The following CYRIB variants were observed in gnomAD, a reference collection of about 807,000 sequenced individuals.
CYRIB encodes CYFIP related Rac1 interactor B, also known as CYFIP-related Rac1 interactor B.
CYRIB carries 8 observed loss-of-function variants against 44.2 expected under a neutral mutation model. That is an observed-to-expected ratio of 0.18 (90% confidence interval 0.11 to 0.33). The LOEUF (loss-of-function observed/expected upper bound fraction) is 0.33, where lower values mean the gene tolerates loss of function less well. Among genes scored for constraint, CYRIB ranks in the 10% least tolerant of loss-of-function variants. CYRIB has a pLI of 1.00. For synonymous variants in CYRIB, 131 were observed against 127.2 expected (o/e 1.03, Z -0.20); for missense variants, 185 against 382.8 (o/e 0.48, Z 4.31).
At chr8:129,889,551 T>C (rs754438933) in intron 2 of CYRIB, among the ~76,000 whole-genome samples, 1 of 152,150 alleles carries the variant, frequency 6.6e-6, no homozygotes, top group Non-Finnish European at 1.5e-5. Flanking sequence ...TTGTGATTCA[T>C]GGGAAGGGGT....
intron 1 of CYRIB, among the ~76,000 whole-genome samples, chr8:129,990,556 C>CA (rs1302067500): frequency 1.3e-5 from 2 of 151,758 alleles, no homozygotes; most frequent in African/African-American, 4.8e-5. Context: ...GACAGGGTTT[C>CA]ACTCTGTCAG....
intron 2 of CYRIB, among the ~76,000 whole-genome samples, chr8:129,883,828 C>G (rs2061677639): frequency 6.6e-6 from 1 of 151,614 alleles, no homozygotes; most frequent in East Asian, 1.9e-4. Flanking sequence ...ATATCCACCT[C>G]AGAGGGTTCC....
intron 2 of CYRIB, among the ~76,000 whole-genome samples, chr8:129,960,949 C>CAAAAA (rs35845303): frequency 9.7e-6 from 1 of 102,830 alleles, no homozygotes; most frequent in Non-Finnish European, 2.1e-5. Flanking sequence ...GACTCAGTCT[C>CAAAAA]AAAAAAAAAA....
chr8:129,897,375 T>A (rs2068605577), intron 2 of CYRIB, among the ~76,000 whole-genome samples: 1 of 152,090 alleles, frequency 6.6e-6, no homozygotes, highest in African/African-American at 2.4e-5. Flanking sequence ...ATCCTTGTAT[T>A]AAACTGAAAT....
intron 1 of CYRIB, among the ~76,000 whole-genome samples, chr8:129,906,009 G>C (rs1340771112): frequency 6.6e-6 from 1 of 152,060 alleles, no homozygotes; most frequent in Non-Finnish European, 1.5e-5. Context: ...TCAATATCGT[G>C]AAAATGGCCA....
chr8:130,002,240 T>C (rs1290377657), intron 1 of CYRIB, among the ~76,000 whole-genome samples: 3 of 152,122 alleles, frequency 2.0e-5, no homozygotes, highest in Non-Finnish European at 2.9e-5. Context: ...GCGGGAGGAC[T>C]GTTTCCGCTC....
At chr8:130,008,783 G>A (rs946729627) in intron 1 of CYRIB, among the ~76,000 whole-genome samples, 3 of 152,242 alleles carry the variant, frequency 2.0e-5, no homozygotes, top group Non-Finnish European at 4.4e-5. Flanking sequence ...CCCAGAAGCA[G>A]AGGGCAAGAC....
chr8:129,980,774 G>A (rs1436425022), intron 1 of CYRIB, among the ~76,000 whole-genome samples: 1 of 152,062 alleles, frequency 6.6e-6, no homozygotes, highest in Non-Finnish European at 1.5e-5. Flanking sequence ...TTGAGCTCAG[G>A]AGGTCAAGAC....
At chr8:129,961,473 G>C (rs568511873) in intron 2 of CYRIB, among the ~76,000 whole-genome samples, 12 of 152,206 alleles carry the variant, frequency 7.9e-5, no homozygotes, top group Non-Finnish European at 1.0e-4. Flanking sequence ...GGGCCATCCA[G>C]CTTCTTGGTT....
chr8:129,886,418 C>A (rs1386183648), intron 2 of CYRIB, among the ~76,000 whole-genome samples: 1 of 151,958 alleles, frequency 6.6e-6, no homozygotes, highest in Non-Finnish European at 1.5e-5. Flanking sequence ...TTTCAGTACC[C>A]TTCTGTTTGG....
Position 129,843,080 on chromosome 8 carries a change from T to C in CYRIB, c.912-875A>G, listed in dbSNP as rs75472749. On this transcript the variant is annotated intron_variant, in intron 11 of 11. Transcript: ENST00000519824. ...AAATCCACTAAGCAAGCTTACTATG[T>C]CTCAGGCACTGTTCAAGGAGCTTAC... Among the ~76,000 whole-genome samples the C allele has an allele frequency of 9.0e-3, 1,378 of 152,322 alleles. 18 individuals are homozygous for C. Among genetic ancestry groups the C allele is most frequent in the African/African-American group, 0.032 (1,313 of 41,570 alleles).
At chr8:129,931,408 T>C (rs1406434419) in intron 1 of CYRIB, among the ~76,000 whole-genome samples, 1 of 152,230 alleles carries the variant, frequency 6.6e-6, no homozygotes, top group Non-Finnish European at 1.5e-5. Flanking sequence ...TTCAATGTCC[T>C]TGAAATTCTT....
At chr8:129,965,392 C>A (rs764931143) in intron 2 of CYRIB, among the ~76,000 whole-genome samples, 1 of 152,158 alleles carries the variant, frequency 6.6e-6, no homozygotes, top group Admixed American at 6.6e-5. Context: ...ACCACATATA[C>A]TTTCCTGCAA....
chr8:129,920,312 G>A (rs376858114), intron 1 of CYRIB, among the ~76,000 whole-genome samples: 1 of 151,986 alleles, frequency 6.6e-6, no homozygotes. Flanking sequence ...GGAATCTAAT[G>A]GGTTCAACAG....
rs79936991 is a variant in CYRIB at position 129,856,003 on chromosome 8, T to C, written c.302-256A>G. 0.016 allele frequency among the ~76,000 whole-genome samples: 2,365 copies of C among 152,314 alleles called. 53 individuals are homozygous for C. The highest frequency in any genetic ancestry group is 0.05 in the African/African-American group (2,075 of 41,564). Reference sequence around the variant, plus strand: ...GGGTTTATAATTCTGTAAACCCAGATTGAAAATAGTGCAGAAGTGAATTTG... The same window carrying C: ...GGGTTTATAATTCTGTAAACCCAGACTGAAAATAGTGCAGAAGTGAATTTG... On this transcript the variant is annotated intron_variant, in intron 5 of 11. Coordinates refer to ENST00000519824, the Ensembl canonical transcript of CYRIB.
chr8:129,975,897 T>G (rs2095894286), intron 1 of CYRIB, among the ~76,000 whole-genome samples: 2 of 152,074 alleles, frequency 1.3e-5, no homozygotes, highest in African/African-American at 4.8e-5. Flanking sequence ...CAGCACCATA[T>G]TGCTCCAAAG....
chr8:129,979,497 A>G (rs1483417433), intron 1 of CYRIB, among the ~76,000 whole-genome samples: 4 of 152,210 alleles, frequency 2.6e-5, no homozygotes, highest in Non-Finnish European at 5.9e-5. Context: ...CTCTGGAAGG[A>G]TAAGTGAGAA....
intron 9 of CYRIB, chr8:129,850,190 C>A (rs940404786): frequency 2.0e-5 from 3 of 152,540 alleles, no homozygotes; most frequent in African/African-American, 4.8e-5. Flanking sequence ...TTTGGACCAT[C>A]ATATATGTGG....
At chr8:129,936,217 C>T (rs1242611644) in intron 1 of CYRIB, among the ~76,000 whole-genome samples, 6 of 152,086 alleles carry the variant, frequency 3.9e-5, no homozygotes, top group South Asian at 2.1e-4. Context: ...GGTTCAAATG[C>T]CAGTCTTCAA....
Sources: allele counts gnomAD v4.1 joint callset (sites outside exome capture counted in the v4.1 genomes callset), GRCh38; gene constraint gnomAD v4.1.1; transcripts MANE v1.5; gene names NCBI Gene and HGNC (gene_info 2026-07-23, HGNC 2026-07-21).